RIT2: variants seen among roughly 807,000 people sequenced by gnomAD.
The protein encoded by RIT2 is GTP-binding protein Rit2.
A neutral mutation model predicts 23.7 loss-of-function variants in RIT2; 24 were observed. The observed-to-expected ratio is 1.01, with a 90% CI of 0.73 to 1.43. The LOEUF (loss-of-function observed/expected upper bound fraction) is 1.43, where lower values mean the gene tolerates loss of function less well. RIT2 is among the 40% of genes most tolerant of loss of function. RIT2 has a pLI of 0.00. For synonymous variants in RIT2, 107 were observed against 91.1 expected (o/e 1.17, Z -0.99); for missense variants, 236 against 266.9 (o/e 0.88, Z 0.81).
chr18:42,952,244 T>A (rs1304861323), intron 3 of RIT2, among the ~76,000 whole-genome samples: 1 of 152,100 alleles, frequency 6.6e-6, no homozygotes, highest in African/African-American at 2.4e-5. Context: ...TGGATGAACA[T>A]TGAGGACATT....
At chr18:42,854,094 G>T (rs186115223) in intron 4 of RIT2, among the ~76,000 whole-genome samples, 35 of 152,180 alleles carry the variant, frequency 2.3e-4, no homozygotes, top group African/African-American at 8.2e-4. Context: ...TTAAACATTA[G>T]CTCTAACTCT....
chr18:42,850,567 G>A lies in RIT2; in HGVS notation c.426+73005C>T, dbSNP rs545636553. Among the ~76,000 whole-genome samples, 3 of 152,180 alleles carry A rather than the reference G, an allele frequency of 2.0e-5. No homozygotes were observed. In the South Asian group the frequency reaches 6.2e-4, roughly 32 times the overall value. Reference sequence around the variant, plus strand: ...TCAAAGGCTTGGGGAAGATTATTGAGAATGAATGAAAAACACTTATAATTG... The same window carrying A: ...TCAAAGGCTTGGGGAAGATTATTGAAAATGAATGAAAAACACTTATAATTG... On this transcript the variant is annotated intron_variant, in intron 4 of 4. Coordinates refer to ENST00000326695, the MANE Select transcript of RIT2 (RefSeq NM_002930.4).
At chr18:43,108,402 C>G (rs1913878935) in intron 1 of RIT2, among the ~76,000 whole-genome samples, 1 of 151,614 alleles carries the variant, frequency 6.6e-6, no homozygotes, top group African/African-American at 2.4e-5. Context: ...AAAACGCAGA[C>G]AGTAAAGCCT....
At chr18:43,004,960 G>A (rs1911193862) in intron 2 of RIT2, among the ~76,000 whole-genome samples, 1 of 151,756 alleles carries the variant, frequency 6.6e-6, no homozygotes, top group Admixed American at 6.6e-5. Context: ...GGTGAGAGAG[G>A]GGGAAAAATA....
At chr18:43,105,154 G>A (rs1913783145) in intron 1 of RIT2, among the ~76,000 whole-genome samples, 1 of 151,452 alleles carries the variant, frequency 6.6e-6, no homozygotes, top group Non-Finnish European at 1.5e-5. Context: ...GTGTGTGTTT[G>A]TGTGTGGTAT....
At chr18:42,913,107 T>C (rs1036284598) in intron 4 of RIT2, among the ~76,000 whole-genome samples, 1 of 151,624 alleles carries the variant, frequency 6.6e-6, no homozygotes, top group Non-Finnish European at 1.5e-5. Flanking sequence ...ATATGCCCAA[T>C]TAATTTTTTA....
chr18:42,795,651 AG>A (rs1187463462), intron 4 of RIT2, among the ~76,000 whole-genome samples: 1 of 152,238 alleles, frequency 6.6e-6, no homozygotes, highest in Non-Finnish European at 1.5e-5. Context: ...CTCCACCTGC[AG>A]CCCGGGTGCG....
At chr18:43,109,290 A>G (rs958762144) in intron 1 of RIT2, among the ~76,000 whole-genome samples, 2 of 152,248 alleles carry the variant, frequency 1.3e-5, no homozygotes, top group Non-Finnish European at 1.5e-5. Context: ...ACATTCTAAT[A>G]AATTCTGAGT....
At chr18:42,936,980 C>T (rs1173515538) in intron 3 of RIT2, among the ~76,000 whole-genome samples, 3 of 151,478 alleles carry the variant, frequency 2.0e-5, no homozygotes, top group Non-Finnish European at 4.4e-5. Flanking sequence ...CCATTACACT[C>T]CAGCCTGGGC....
At chr18:42,886,732 C>T (rs558422357) in intron 4 of RIT2, among the ~76,000 whole-genome samples, 1 of 151,974 alleles carries the variant, frequency 6.6e-6, no homozygotes, top group Non-Finnish European at 1.5e-5. Flanking sequence ...TGAACCAATG[C>T]AGAAAATGAC....
chr18:42,760,067 G>A (rs996204705), intron 4 of RIT2, among the ~76,000 whole-genome samples: 5 of 152,094 alleles, frequency 3.3e-5, no homozygotes, highest in Admixed American at 6.5e-5. Flanking sequence ...ATAAGCCACC[G>A]CACCTGGCCT....
intron 1 of RIT2, among the ~76,000 whole-genome samples, chr18:43,036,645 G>C (rs1911983735): frequency 6.6e-6 from 1 of 151,890 alleles, no homozygotes; most frequent in African/African-American, 2.4e-5. Flanking sequence ...CCTGCTGCTT[G>C]TTGTATAATT....
At chr18:42,850,382 C>T (rs1456370865) in intron 4 of RIT2, among the ~76,000 whole-genome samples, 9 of 152,102 alleles carry the variant, frequency 5.9e-5, no homozygotes, top group East Asian at 3.9e-4. Context: ...TGTTTATGCA[C>T]GGTTAATGGA....
At chr18:42,776,730 A>T (rs1291111915) in intron 4 of RIT2, among the ~76,000 whole-genome samples, 1 of 152,164 alleles carries the variant, frequency 6.6e-6, no homozygotes, top group Non-Finnish European at 1.5e-5. Flanking sequence ...TCAATTTAAG[A>T]ATTATGACCC....
chr18:43,090,482 A>G (rs1332406166), intron 1 of RIT2, among the ~76,000 whole-genome samples: 2 of 152,126 alleles, frequency 1.3e-5, no homozygotes, highest in South Asian at 4.1e-4. Context: ...AGACCTAAAC[A>G]TAAGAACACC....
intron 4 of RIT2, among the ~76,000 whole-genome samples, chr18:42,775,996 A>T (rs1173269783): frequency 6.6e-6 from 1 of 152,210 alleles, no homozygotes; most frequent in Admixed American, 6.5e-5. Context: ...ATGTGATGAG[A>T]TCATGAGAAA....
chr18:43,078,939 G>T (rs771544816), intron 1 of RIT2, among the ~76,000 whole-genome samples: 3 of 152,128 alleles, frequency 2.0e-5, no homozygotes, highest in Non-Finnish European at 4.4e-5. Flanking sequence ...TGCCCTGGCT[G>T]GACTGCAGGA....
chr18:42,859,063 G>A (rs908001649), intron 4 of RIT2, among the ~76,000 whole-genome samples: 13 of 152,118 alleles, frequency 8.5e-5, no homozygotes, highest in African/African-American at 2.9e-4. Flanking sequence ...TCTTTTGGGT[G>A]TATACTTTTG....
intron 4 of RIT2, among the ~76,000 whole-genome samples, chr18:42,901,407 T>A (rs1908472967): frequency 6.6e-6 from 1 of 151,982 alleles, no homozygotes; most frequent in African/African-American, 2.4e-5. Context: ...GCAAACATCA[T>A]CTTGACAATT....
Sources: allele counts gnomAD v4.1 joint callset (sites outside exome capture counted in the v4.1 genomes callset), GRCh38; gene constraint gnomAD v4.1.1; transcripts MANE v1.5; gene names NCBI Gene and HGNC (gene_info 2026-07-23, HGNC 2026-07-21).